Variants in TNK2 observed in about 807,000 individuals in gnomAD.
The protein encoded by TNK2 is activated CDC42 kinase 1.
Under a neutral mutation model 101.8 loss-of-function variants are expected in TNK2, and 83 were observed. That is an observed-to-expected ratio of 0.82 (90% CI 0.68 to 0.98). The LOEUF is 0.98. TNK2 is among the 50% of genes least tolerant of loss of function. TNK2 has a pLI of 0.00. For missense variants in TNK2, 1,665 were observed against 1,483.2 expected, an observed-to-expected ratio of 1.12 and a Z score of -2.01; for synonymous variants, 804 against 633.0, an observed-to-expected ratio of 1.27 and a Z score of -4.06.
intron 1 of TNK2, among the ~76,000 whole-genome samples, chr3:195,901,198 C>T (rs927792235): frequency 2.6e-5 from 4 of 152,162 alleles, no homozygotes; most frequent in Non-Finnish European, 5.9e-5. Flanking sequence ...TTGAAGAGCC[C>T]GGGACCCTCA....
At chr3:195,883,049 A>C in intron 5 of TNK2, 108 bp downstream of exon 5, 1 of 1,406,112 alleles carries the variant, frequency 7.1e-7, no homozygotes, top group Non-Finnish European at 9.6e-7. Context: ...TGGGGGACCA[A>C]AGTAGGATCT....
At chr3:195,891,185 T>C (rs1758286815) in intron 1 of TNK2, among the ~76,000 whole-genome samples, 1 of 152,150 alleles carries the variant, frequency 6.6e-6, no homozygotes, top group Non-Finnish European at 1.5e-5. Flanking sequence ...TAGGCTGAGG[T>C]GGGCGGATCA....
chr3:195,885,763 C>T lies in TNK2; in HGVS notation c.235-730G>A. ...GGTCAAGGGACAGAAGAAAGGAGGC[C>T]ATGAGGGTCAAAGCTGGCCACGTCG... On this transcript the variant is annotated intron_variant, in intron 3 of 15. Transcript: ENST00000672887. The surrounding 1 kb of genome is among the most constrained non-coding windows in gnomAD (Gnocchi z 4.7). 2.5e-6 allele frequency: 1 copy of T among 399,128 alleles called. No individual in the cohort carries two copies. The highest frequency in any genetic ancestry group is 4.6e-6 in the Non-Finnish European group (1 of 217,384). The allele number at this position is 399,128 out of a possible 1,614,324, so 24.7% of individuals were successfully genotyped here.
At chr3:195,895,610 G>T in intron 1 of TNK2, 1 of 1,298,554 alleles carries the variant, frequency 7.7e-7, no homozygotes, top group Non-Finnish European at 9.7e-7. Flanking sequence ...GCCAGCCCCG[G>T]GCTGACCCCC....
Position 195,878,900 on chromosome 3 carries a change from C to CGTGGTGGGAGGCACGGGAA in TNK2, c.1014+130_1014+148dup. On this transcript the variant is annotated intron_variant, in intron 7 of 15. Transcript: ENST00000672887. The surrounding 1 kb of genome is among the most constrained non-coding windows in gnomAD (Gnocchi z 4.7). ...ACGGGGCGTGAGAGGAGACACGGGG[C>CGTGGTGGGAGGCACGGGAA]GTGGTGGGAGGCACGGGAAGTGGGG... 1 of 1,273,510 alleles carries CGTGGTGGGAGGCACGGGAA rather than the reference C, an allele frequency of 7.9e-7. No homozygotes were observed. The highest frequency in any genetic ancestry group is 1.1e-6 in the Non-Finnish European group (1 of 915,506). 78.9% of individuals were successfully genotyped at this position (1,273,510 alleles called of 1,614,324 possible). A position where few individuals can be genotyped will look rare whatever the true frequency, so the allele number is the denominator to read the frequency against.
intron 6 of TNK2, among the ~76,000 whole-genome samples, chr3:195,880,263 C>T (rs1403935906): frequency 6.6e-6 from 1 of 152,104 alleles, no homozygotes; most frequent in Non-Finnish European, 1.5e-5. Flanking sequence ...CCTGCTGTGG[C>T]CTGGGCCTGT....
intron 9 of TNK2, among the ~76,000 whole-genome samples, chr3:195,873,459 G>C (rs1441580737): frequency 6.6e-6 from 1 of 151,310 alleles, no homozygotes; most frequent in East Asian, 2.0e-4. Flanking sequence ...TGTCTGGGCA[G>C]GCGGGGGCGG....
intron 15 of TNK2, among the ~76,000 whole-genome samples, chr3:195,866,547 C>T (rs554809254): frequency 1.3e-5 from 2 of 152,142 alleles, no homozygotes; most frequent in Non-Finnish European, 2.9e-5. Flanking sequence ...TATGGAAACA[C>T]AGAGGTGAGA....
At chr3:195,870,052 G>A (rs1743928994) in intron 11 of TNK2, 62 bp downstream of exon 11, 7 of 1,278,878 alleles carry the variant, frequency 5.5e-6, no homozygotes, top group Non-Finnish European at 6.4e-6. Context: ...GGCCTGTGAA[G>A]ACAGTGCCCC....
intron 6 of TNK2, among the ~76,000 whole-genome samples, chr3:195,881,787 G>A (rs187792283): frequency 6.8e-6 from 1 of 147,756 alleles, no homozygotes; most frequent in African/African-American, 2.5e-5. Context: ...ATCTATCCCC[G>A]TATCACCCCA....
At chr3:195,899,798 G>A (rs1359111214) in intron 1 of TNK2, among the ~76,000 whole-genome samples, 1 of 152,160 alleles carries the variant, frequency 6.6e-6, no homozygotes, top group Non-Finnish European at 1.5e-5. Flanking sequence ...TCGCCCTGAA[G>A]GGAGAACCTG....
chr3:195,869,451 AG>A (rs773310395), intron 12 of TNK2, 45 bp downstream of exon 12: 2 of 1,466,016 alleles, frequency 1.4e-6, no homozygotes, highest in East Asian at 2.9e-5. Context: ...AGTGAGAGAG[AG>A]GGGGCGGGGG....
In TNK2 at chr3:195,882,511, A is replaced by G. The variant is rs553041747; in HGVS notation, c.610-183T>C. 1.1e-4 allele frequency: 162 copies of G among 1,536,416 alleles called. 2 individuals are homozygous for G. The East Asian group carries it at 3.9e-3, about 37-fold the overall frequency. On this transcript the variant is annotated intron_variant, in intron 5 of 15. Transcript: ENST00000672887. This position sits in a 1 kb window ranked among gnomAD's most constrained non-coding sequence, Gnocchi z 4.2. The stretch of plus-strand genomic sequence containing the variant: ...TTTCTCAGGCCTCTCCCTCGAGGCA[A>G]TTTGGGAAACTGATGCCTAGAGAGA...
chr3:195,870,468 T>C, intron 10 of TNK2: 1 of 1,244,060 alleles, frequency 8.0e-7, no homozygotes, highest in Non-Finnish European at 1.1e-6. Flanking sequence ...AGGGCAGAGG[T>C]GGTCCTCCAC....
chr3:195,875,317 C>T (rs1189822100), intron 9 of TNK2, among the ~76,000 whole-genome samples: 1 of 27,042 alleles, frequency 3.7e-5, no homozygotes, highest in Non-Finnish European at 5.8e-5. Context: ...CACGCACGCT[C>T]CGAGGCACAA....
In TNK2 at chr3:195,882,098, A is replaced by C; in HGVS notation, c.840T>G (p.Asn280Lys). ...GTTCCTGCATGACGTAATGGTCGTCATTCTGAGGTAGTGCTCGCATCAGCC... is the reference window on the plus strand; with the variant it reads ...GTTCCTGCATGACGTAATGGTCGTCCTTCTGAGGTAGTGCTCGCATCAGCC... ...DFGLMRALPQNDDHYVMQEHR... is the reference protein window; with the variant it reads ...DFGLMRALPQKDDHYVMQEHR... The change falls in exon 6 of 16, where the codon AAT becomes AAG. Residue 280 changes from asparagine to lysine, a missense_variant. Transcript: ENST00000672887. This position sits in a 1 kb window ranked among gnomAD's most constrained non-coding sequence, Gnocchi z 4.2. The C allele has an allele frequency of 1.9e-6, 3 of 1,613,552 alleles. No individual in the cohort carries two copies. Among genetic ancestry groups the C allele is most frequent in the Non-Finnish European group, 2.5e-6 (3 of 1,179,848 alleles).
At chr3:195,890,454 G>GTT (rs58431049) in intron 1 of TNK2, among the ~76,000 whole-genome samples, 1,321 of 119,100 alleles carry the variant, frequency 0.011, 23 homozygotes, top group African/African-American at 0.038. Context: ...TAGTTTTTTG[G>GTT]TTTTTTTTTT....
Position 195,884,851 on chromosome 3 carries a change from C to G in TNK2, c.417G>C (p.Val139=), listed in dbSNP as rs750251176. 5.6e-6 allele frequency: 9 copies of G among 1,613,314 alleles called. No individual in the cohort carries two copies. The South Asian group carries it at 6.6e-5, about 12-fold the overall frequency. ...LEKLGDGSFG[V]VRRGEWDAPS... The stretch of plus-strand genomic sequence containing the variant: ...GCGCGTCCCACTCGCCCCTGCGCAC[C>G]ACGCCAAAGGAACCATCACCCAGCT... Residue 139 remains valine, a synonymous_variant, in exon 4 of 16, where the codon GTG becomes GTC. Transcript: ENST00000672887.
chr3:195,871,264 C>T (rs1403922894), intron 10 of TNK2, among the ~76,000 whole-genome samples: 3 of 152,068 alleles, frequency 2.0e-5, no homozygotes, highest in Non-Finnish European at 2.9e-5. Flanking sequence ...CCCTCGGTGG[C>T]CTTATCCTCT....
Sources: gnomAD v4.1 joint callset for allele counts (sites outside exome capture counted in the v4.1 genomes callset) on GRCh38, gnomAD v4.1.1 for gene constraint, Gnocchi (gnomAD v3.1) non-coding constraint, MANE v1.5 for transcripts, NCBI Gene and HGNC (gene_info 2026-07-23, HGNC 2026-07-21) for gene names.